TICAM2: variants seen among roughly 807,000 people sequenced by gnomAD.
The protein encoded by TICAM2 is TIR domain containing adaptor molecule 2, also known as TIR domain-containing adapter molecule 2.
Under a neutral mutation model 7.3 loss-of-function variants are expected in TICAM2, and 8 were observed. The ratio of observed to expected loss-of-function variants is 1.10; its 90% CI spans 0.65 to 1.99. The LOEUF is 1.99. Among genes scored for constraint, TICAM2 ranks in the 30% most tolerant of loss-of-function variants. The probability of loss-of-function intolerance (pLI) is 0.00; values close to 1 mark genes in which losing one functional copy is unlikely to be tolerated. For synonymous variants in TICAM2, 113 were observed against 99.6 expected (o/e 1.13, Z -0.80); for missense variants, 304 against 278.8 (o/e 1.09, Z -0.65).
intron 1 of TICAM2, among the ~76,000 whole-genome samples, chr5:115,599,971 G>C (rs563806035): frequency 6.6e-6 from 1 of 152,158 alleles, no homozygotes; most frequent in East Asian, 1.9e-4. Context: ...AAAGACTGTA[G>C]AGGAGCAAGG....
At chr5:115,590,502 A>G (rs1344677152) in intron 1 of TICAM2, among the ~76,000 whole-genome samples, 2 of 152,242 alleles carry the variant, frequency 1.3e-5, no homozygotes, top group African/African-American at 2.4e-5. Flanking sequence ...ATTGATAGAA[A>G]GCAATATTAA....
At chr5:115,585,503 T>C (rs1755071079) in intron 1 of TICAM2, among the ~76,000 whole-genome samples, 1 of 152,238 alleles carries the variant, frequency 6.6e-6, no homozygotes, top group African/African-American at 2.4e-5. Flanking sequence ...TTCTGGTGCA[T>C]GCTTCTTAGA....
chr5:115,595,609 TC>T (rs1476650192), intron 1 of TICAM2, among the ~76,000 whole-genome samples: 1 of 152,142 alleles, frequency 6.6e-6, no homozygotes, highest in African/African-American at 2.4e-5. Flanking sequence ...TGCTTAAAGA[TC>T]CCTTTGATAA....
At chr5:115,589,972 A>G (rs1017375228) in intron 1 of TICAM2, among the ~76,000 whole-genome samples, 5 of 152,236 alleles carry the variant, frequency 3.3e-5, no homozygotes, top group African/African-American at 1.2e-4. Context: ...TCATTGACTC[A>G]ACCAGAATAG....
At chr5:115,587,292 ATTG>A (rs1166763301) in intron 1 of TICAM2, among the ~76,000 whole-genome samples, 1 of 152,174 alleles carries the variant, frequency 6.6e-6, no homozygotes, top group African/African-American at 2.4e-5. Flanking sequence ...TAGTCCTAAA[ATTG>A]TTGATGATGA....
intron 1 of TICAM2, among the ~76,000 whole-genome samples, chr5:115,594,824 G>A (rs1755446328): frequency 6.6e-6 from 1 of 152,174 alleles, no homozygotes; most frequent in Admixed American, 6.5e-5. Context: ...CAGCCTGGGA[G>A]GAGGACTGAC....
At position 115,580,213 on chromosome 5, in the gene TICAM2, T is replaced by C. The variant is rs1754866172; in HGVS notation, c.*336A>G. 1 of 190,160 alleles carries C rather than the reference T, an allele frequency of 5.3e-6. No individual in the cohort carries two copies. The highest frequency in any genetic ancestry group is 5.7e-5 in the Admixed American group (1 of 17,550). The allele number at this position is 190,160 out of a possible 1,614,324, so 11.8% of individuals were successfully genotyped here. A position where few individuals can be genotyped will look rare whatever the true frequency, so the allele number is the denominator to read the frequency against. ...GAGATCAAAATTCAGAGAATAAAAG[T>C]GTTGTCACATTTTTAAAAATGTCTG... On this transcript the variant is annotated 3_prime_UTR_variant, in exon 2 of 2. Transcript: ENST00000427199.
intron 1 of TICAM2, among the ~76,000 whole-genome samples, chr5:115,590,012 G>T (rs572749541): frequency 6.6e-6 from 1 of 152,218 alleles, no homozygotes; most frequent in East Asian, 1.9e-4. Flanking sequence ...TATTTTGTTA[G>T]ATTTTAAAAA....
At position 115,580,422 on chromosome 5, in the gene TICAM2, G is replaced by A. The variant is rs941379787; in HGVS notation, c.*127C>T. ...TCCTGCAGAAATTTATCTTTCTTGT[G>A]CTCCATAGGTTTCTTTAAGGTGAAG... On this transcript the variant is annotated 3_prime_UTR_variant, in exon 2 of 2. Coordinates refer to ENST00000427199, the MANE Select transcript of TICAM2 (RefSeq NM_021649.7). The A allele has an allele frequency of 3.8e-5, 45 of 1,189,188 alleles. No individual in the cohort carries two copies. In the African/African-American group the frequency reaches 6.4e-4, roughly 17 times the overall value. 73.7% of individuals were successfully genotyped at this position (1,189,188 alleles called of 1,614,324 possible). A position where few individuals can be genotyped will look rare whatever the true frequency, so the allele number is the denominator to read the frequency against.
At chr5:115,591,811 C>G (rs1385613269) in intron 1 of TICAM2, among the ~76,000 whole-genome samples, 2 of 151,950 alleles carry the variant, frequency 1.3e-5, no homozygotes, top group African/African-American at 2.4e-5. Context: ...GAAGGTGTAA[C>G]AAATGTGTAA....
At chr5:115,586,163 G>A (rs1416227635) in intron 1 of TICAM2, among the ~76,000 whole-genome samples, 2 of 152,174 alleles carry the variant, frequency 1.3e-5, no homozygotes, top group Non-Finnish European at 2.9e-5. Flanking sequence ...GGTGAGTATA[G>A]ATAGAAAAAG....
rs918437443 is a variant in TICAM2 at position 115,590,312 on chromosome 5, A to G, written c.-59-8997T>C. On this transcript the variant is annotated intron_variant, in intron 1 of 1. Transcript: ENST00000427199. ...GCAACAGAGCAAGGCACTGTCTCAA[A>G]AAAGAAAAAGTTACGTGAATATAAA... is the stretch of plus-strand genomic sequence containing the variant. 3.3e-5 allele frequency among the ~76,000 whole-genome samples: 5 copies of G among 152,338 alleles called. No homozygotes were observed. The South Asian group carries it at 6.2e-4, about 19-fold the overall frequency.
At chr5:115,582,119 T>C (rs115857447) in intron 1 of TICAM2, among the ~76,000 whole-genome samples, 1,531 of 152,186 alleles carry the variant, frequency 0.01, 29 homozygotes, top group African/African-American at 0.035. Context: ...ATAGTCTAGA[T>C]TCATTCTTGT....
intron 1 of TICAM2, among the ~76,000 whole-genome samples, chr5:115,598,488 C>A (rs1256894750): frequency 6.6e-6 from 1 of 152,150 alleles, no homozygotes; most frequent in African/African-American, 2.4e-5. Context: ...ATGCTTCTAT[C>A]CGATCTTCAC....
chr5:115,602,285 A>ACG lies in TICAM2; in HGVS notation c.-250_-249dup, dbSNP rs1252522226. 3.9e-5 allele frequency: 6 copies of ACG among 152,302 alleles called. No individual in the cohort carries two copies. The East Asian group carries it at 1.2e-3, about 30-fold the overall frequency. The allele number at this position is 152,302 out of a possible 1,614,324, so 9.4% of individuals were successfully genotyped here. A position where few individuals can be genotyped will look rare whatever the true frequency, so the allele number is the denominator to read the frequency against. ...TCCCCACCGCGCTTGCAGAGCCCGG[A>ACG]CGCGCGTGAGTCGGGGGCCCGCAGA... On this transcript the variant is annotated 5_prime_UTR_variant, in exon 1 of 2. Coordinates refer to ENST00000427199, the MANE Select transcript of TICAM2 (RefSeq NM_021649.7).
Position 115,580,458 on chromosome 5 carries a change from A to G in TICAM2, c.*91T>C, listed in dbSNP as rs1754875326. On this transcript the variant is annotated 3_prime_UTR_variant, in exon 2 of 2. Coordinates refer to ENST00000427199, the MANE Select transcript of TICAM2 (RefSeq NM_021649.7). Reference sequence around the variant, plus strand: ...TTCTTTAAGGTGAAGACTCTCTTTTATTTAAACATTTCCTAGAAACTGCTT... The same window carrying G: ...TTCTTTAAGGTGAAGACTCTCTTTTGTTTAAACATTTCCTAGAAACTGCTT... The G allele has an allele frequency of 7.1e-7, 1 of 1,399,580 alleles. No homozygotes were observed. Among genetic ancestry groups the G allele is most frequent in the African/African-American group, 1.5e-5 (1 of 66,986 alleles). The allele number at this position is 1,399,580 out of a possible 1,614,324, so 86.7% of individuals were successfully genotyped here. A position where few individuals can be genotyped will look rare whatever the true frequency, so the allele number is the denominator to read the frequency against.
chr5:115,599,062 CAAAA>C (rs200920989), intron 1 of TICAM2, among the ~76,000 whole-genome samples: 4 of 78,528 alleles, frequency 5.1e-5, no homozygotes, highest in Non-Finnish European at 5.2e-5. Flanking sequence ...GACCTTGTCT[CAAAA>C]AAAAAAAAAA....
At chr5:115,592,850 T>C (rs1002808149) in intron 1 of TICAM2, among the ~76,000 whole-genome samples, 3 of 152,174 alleles carry the variant, frequency 2.0e-5, no homozygotes, top group Admixed American at 6.5e-5. Flanking sequence ...CAAGTAAAAA[T>C]TGATTGATGT....
chr5:115,580,468 T>A lies in TICAM2; in HGVS notation c.*81A>T. ...TGAAGACTCTCTTTTATTTAAACAT[T>A]TCCTAGAAACTGCTTTCTCAAGTGA... On this transcript the variant is annotated 3_prime_UTR_variant, in exon 2 of 2. Transcript: ENST00000427199. The A allele has an allele frequency of 7.0e-7, 1 of 1,427,826 alleles. No homozygotes were observed. The highest frequency in any genetic ancestry group is 9.2e-7 in the Non-Finnish European group (1 of 1,088,506). 88.4% of individuals were successfully genotyped at this position (1,427,826 alleles called of 1,614,324 possible). A position where few individuals can be genotyped will look rare whatever the true frequency, so the allele number is the denominator to read the frequency against.
Sources: allele counts gnomAD v4.1 joint callset (sites outside exome capture counted in the v4.1 genomes callset), GRCh38; gene constraint gnomAD v4.1.1; transcripts MANE v1.5; gene names NCBI Gene and HGNC (gene_info 2026-07-23, HGNC 2026-07-21).